Variants in GAPVD1 observed in about 807,000 individuals in gnomAD.
GAPVD1 encodes GTPase activating protein and VPS9 domains 1.
A neutral mutation model predicts 155.5 loss-of-function variants in GAPVD1; 35 were observed. The ratio of observed to expected loss-of-function variants is 0.23; its 90% CI spans 0.17 to 0.30. The LOEUF is 0.30. Ranked by LOEUF, GAPVD1 falls within the 10% of genes least tolerant of loss-of-function variation. The pLI, the probability that GAPVD1 is intolerant of heterozygous loss-of-function variation, is 1.00. For missense variants in GAPVD1, 1,429 were observed against 1,775.7 expected (o/e 0.80, Z 3.51); for synonymous variants, 636 against 619.7 (o/e 1.03, Z -0.39).
chr9:125,328,670 C>T (rs1427209515), intron 12 of GAPVD1, among the ~76,000 whole-genome samples: 1 of 151,156 alleles, frequency 6.6e-6, no homozygotes, highest in Admixed American at 6.6e-5. Context: ...TTCTATTCCA[C>T]AAAGCCGCCA....
intron 3 of GAPVD1, 148 bp from the exon 4 acceptor site, chr9:125,298,742 C>T (rs1840302743): frequency 2.2e-6 from 1 of 456,944 alleles, no homozygotes; most frequent in Non-Finnish European, 3.9e-6. Flanking sequence ...CCCGCCTTGG[C>T]CTCCCAAAGT....
At chr9:125,341,444 G>A in intron 18 of GAPVD1, 180 bp downstream of exon 18, 2 of 506,760 alleles carry the variant, frequency 3.9e-6, no homozygotes, top group Non-Finnish European at 6.9e-6. Flanking sequence ...CTTTAGAAAT[G>A]TTCTTGTTCT....
chr9:125,345,413 G>A (rs187981394), intron 19 of GAPVD1, among the ~76,000 whole-genome samples: 21 of 152,146 alleles, frequency 1.4e-4, no homozygotes, highest in Non-Finnish European at 2.1e-4. Context: ...ACTCCTGACC[G>A]TGGGTGATCT....
chr9:125,344,766 TGCACTCCA>T (rs1848280911), intron 19 of GAPVD1, among the ~76,000 whole-genome samples: 1 of 150,604 alleles, frequency 6.6e-6, no homozygotes. Context: ...TATGTGCCAC[TGCACTCCA>T]GCCTGGGTGA....
At chr9:125,324,397 C>G (rs564651975) in intron 11 of GAPVD1, among the ~76,000 whole-genome samples, 1 of 151,842 alleles carries the variant, frequency 6.6e-6, no homozygotes, top group African/African-American at 2.4e-5. Flanking sequence ...TCAAGACCAG[C>G]CTGACCAACA....
chr9:125,291,144 C>T (rs1838530870), intron 2 of GAPVD1, among the ~76,000 whole-genome samples: 2 of 151,982 alleles, frequency 1.3e-5, no homozygotes, highest in African/African-American at 2.4e-5. Context: ...AAGAAGATAG[C>T]TGGGTGTGAT....
intron 15 of GAPVD1, chr9:125,335,303 T>C: frequency 3.4e-6 from 2 of 586,444 alleles, no homozygotes; most frequent in Non-Finnish European, 3.1e-6. Context: ...TCTCTTCATT[T>C]TTTATTTTGG....
At chr9:125,301,954 T>C in intron 4 of GAPVD1, 29 bp from the exon 5 acceptor site, 1 of 1,486,734 alleles carries the variant, frequency 6.7e-7, no homozygotes. Flanking sequence ...ATTATTTTGC[T>C]TGTTTGCTCT....
intron 2 of GAPVD1, among the ~76,000 whole-genome samples, chr9:125,269,542 T>C (rs1427809507): frequency 2.0e-5 from 3 of 151,240 alleles, no homozygotes; most frequent in African/African-American, 7.3e-5. Context: ...CAGGCTGGAG[T>C]GCAGCCTCCC....
chr9:125,367,001 G>C lies in GAPVD1; in HGVS notation c.*4255G>C, dbSNP rs1001316667. The C allele has an allele frequency of 2.6e-5, 4 of 152,172 alleles. No individual in the cohort carries two copies. The highest frequency in any genetic ancestry group is 5.9e-5 in the Non-Finnish European group (4 of 68,032). 9.4% of individuals were successfully genotyped at this position (152,172 alleles called of 1,614,324 possible). On this transcript the variant is annotated 3_prime_UTR_variant, in exon 28 of 28. Coordinates refer to ENST00000297933, the MANE Select transcript of GAPVD1 (RefSeq NM_001282680.3). ...ACCTCTGTCAAATTAATACTCTCCT[G>C]TCTACTGGATTCTTCTTGTGCTTCA... is the stretch of plus-strand genomic sequence containing the variant.
chr9:125,354,143 A>G (rs560549160), intron 23 of GAPVD1, among the ~76,000 whole-genome samples: 1 of 152,306 alleles, frequency 6.6e-6, no homozygotes, highest in Admixed American at 6.5e-5. Flanking sequence ...AGAAAAATGT[A>G]ACTGAGATGC....
At chr9:125,304,999 TAG>T in intron 5 of GAPVD1, 62 bp from the exon 6 acceptor site, 1 of 1,032,464 alleles carries the variant, frequency 9.7e-7, no homozygotes, top group Non-Finnish European at 1.5e-6. Context: ...CTTGCTTTCA[TAG>T]AGACGTATTT....
chr9:125,333,222 A>G (rs1433586655), intron 15 of GAPVD1, among the ~76,000 whole-genome samples: 1 of 151,894 alleles, frequency 6.6e-6, no homozygotes, highest in Non-Finnish European at 1.5e-5. Flanking sequence ...CTTGGATTAC[A>G]GGCACCCACC....
At chr9:125,350,540 A>G (rs1849144101) in intron 22 of GAPVD1, 136 bp downstream of exon 22, 7 of 716,680 alleles carry the variant, frequency 9.8e-6, no homozygotes, top group Middle Eastern at 2.6e-4. Flanking sequence ...GTATCACTTA[A>G]GGGCACTTTG....
chr9:125,293,834 T>C (rs1407223349), intron 2 of GAPVD1, among the ~76,000 whole-genome samples: 2 of 113,778 alleles, frequency 1.8e-5, no homozygotes, highest in African/African-American at 3.5e-5. Flanking sequence ...TAAAAAAATA[T>C]ATATATAAAA....
intron 2 of GAPVD1, among the ~76,000 whole-genome samples, chr9:125,289,948 G>A (rs1359816981): frequency 2.0e-5 from 3 of 152,140 alleles, no homozygotes; most frequent in African/African-American, 7.2e-5. Context: ...GAGAAGGACA[G>A]GAGCAAACCC....
At chr9:125,340,493 G>A (rs1469905291) in intron 17 of GAPVD1, among the ~76,000 whole-genome samples, 2 of 152,052 alleles carry the variant, frequency 1.3e-5, no homozygotes, top group African/African-American at 2.4e-5. Flanking sequence ...GATAAAAAAG[G>A]CCGAATATAG....
chr9:125,354,872 T>G, intron 24 of GAPVD1, 31 bp downstream of exon 24: 13 of 1,439,994 alleles, frequency 9.0e-6, no homozygotes, highest in Non-Finnish European at 1.3e-5. Flanking sequence ...TAAGCATCTC[T>G]TCACCTGTAA....
rs190349833 is a variant in GAPVD1 at position 125,271,385 on chromosome 9, T to C, written c.-150+2401T>C. ...TTGTTATTTATTTTCTGTGAATCTT[T>C]GGAAGGATTAAACCCACGTGGTTTT... On this transcript the variant is annotated intron_variant, in intron 2 of 27. Transcript: ENST00000297933. Among the ~76,000 whole-genome samples, 252 of 152,186 alleles carry C rather than the reference T, an allele frequency of 1.7e-3. 1 individual carries two copies. The highest frequency in any genetic ancestry group is 0.01 in the Middle Eastern group (3 of 294).
Sources: allele counts gnomAD v4.1 joint callset (sites outside exome capture counted in the v4.1 genomes callset), GRCh38; gene constraint gnomAD v4.1.1; transcripts MANE v1.5; gene names NCBI Gene and HGNC (gene_info 2026-07-23, HGNC 2026-07-21).